Variants in GPR107 observed in about 807,000 individuals in gnomAD.
The protein encoded by GPR107 is protein GPR107.
GPR107 carries 31 observed loss-of-function variants against 75.5 expected under a neutral mutation model. The ratio of observed to expected loss-of-function variants is 0.41; its 90% CI spans 0.31 to 0.55. GPR107 has a LOEUF of 0.55. Among genes scored for constraint, GPR107 ranks in the 20% least tolerant of loss-of-function variants. The pLI, the probability that GPR107 is intolerant of heterozygous loss-of-function variation, is 0.26. For missense variants in GPR107, 572 were observed against 665.7 expected (o/e 0.86, Z 1.55); for synonymous variants, 267 against 251.3 (o/e 1.06, Z -0.59).
intron 14 of GPR107, among the ~76,000 whole-genome samples, chr9:130,116,840 C>T (rs193300338): frequency 6.6e-6 from 1 of 152,088 alleles, no homozygotes; most frequent in Non-Finnish European, 1.5e-5. Flanking sequence ...TTTTATTTAT[C>T]ATTTAAGATA....
chr9:130,066,071 C>T (rs1396489529), intron 1 of GPR107, among the ~76,000 whole-genome samples: 1 of 151,974 alleles, frequency 6.6e-6, no homozygotes, highest in Non-Finnish European at 1.5e-5. Flanking sequence ...TTTTGGGAGA[C>T]CAAGGCGGGT....
chr9:130,106,890 C>T (rs1831173669), intron 13 of GPR107, among the ~76,000 whole-genome samples: 1 of 152,110 alleles, frequency 6.6e-6, no homozygotes, highest in Admixed American at 6.5e-5. Flanking sequence ...CTGTTGGTGG[C>T]TTTTCATGGT....
intron 14 of GPR107, among the ~76,000 whole-genome samples, chr9:130,117,897 T>A (rs1430989250): frequency 2.0e-5 from 3 of 152,190 alleles, no homozygotes; most frequent in Non-Finnish European, 1.5e-5. Flanking sequence ...GTAAACTCCT[T>A]AGAAAGGATT....
At chr9:130,111,939 G>A (rs1299601281) in intron 14 of GPR107, among the ~76,000 whole-genome samples, 1 of 152,134 alleles carries the variant, frequency 6.6e-6, no homozygotes. Context: ...CCGAGAGGGA[G>A]CTTAATTGAG....
At chr9:130,065,537 G>A (rs545425457) in intron 1 of GPR107, among the ~76,000 whole-genome samples, 20 of 151,680 alleles carry the variant, frequency 1.3e-4, no homozygotes, top group African/African-American at 4.8e-4. Context: ...AGGCCGCAAC[G>A]GGCACCTCAC....
chr9:130,079,362 T>C (rs1032712392), intron 4 of GPR107, among the ~76,000 whole-genome samples: 1 of 152,264 alleles, frequency 6.6e-6, no homozygotes, highest in Non-Finnish European at 1.5e-5. Flanking sequence ...GAGAAAGATG[T>C]ACCTCAGAAT....
At position 130,104,425 on chromosome 9, in the gene GPR107, G is replaced by A; in HGVS notation, c.1137G>A (p.Leu379=). Residue 379 remains leucine (L), a synonymous_variant, in exon 13 of 18, where the codon CTG becomes CTA. Coordinates refer to ENST00000347136, the MANE Select transcript of GPR107 (RefSeq NM_020960.5). ...IFMIVIPLQV[L]ANVAYIIIES... ...GCAACTTCTCATGTCTGTAGGTCCT[G>A]GCAAATGTAGCCTACATCATCATAG... The A allele has an allele frequency of 6.2e-7, 1 of 1,613,802 alleles. No individual in the cohort carries two copies. Among genetic ancestry groups the A allele is most frequent in the Non-Finnish European group, 8.5e-7 (1 of 1,179,736 alleles).
intron 1 of GPR107, among the ~76,000 whole-genome samples, chr9:130,072,320 C>T (rs1166831712): frequency 6.6e-6 from 1 of 151,086 alleles, no homozygotes; most frequent in Admixed American, 6.6e-5. Flanking sequence ...CTGGGGTTCA[C>T]GCCATTCTCC....
chr9:130,063,283 C>T (rs1294580194), intron 1 of GPR107, among the ~76,000 whole-genome samples: 1 of 152,090 alleles, frequency 6.6e-6, no homozygotes, highest in Non-Finnish European at 1.5e-5. Flanking sequence ...CTCCACTTCC[C>T]GGGTTCATGC....
chr9:130,076,930 G>A (rs1830365051), intron 3 of GPR107, among the ~76,000 whole-genome samples: 1 of 147,656 alleles, frequency 6.8e-6, no homozygotes, highest in African/African-American at 2.5e-5. Context: ...TCTTGTTGCC[G>A]AGGCTGGAGT....
At chr9:130,092,116 A>T in intron 8 of GPR107, 132 bp from the exon 9 acceptor site, 1 of 699,602 alleles carries the variant, frequency 1.4e-6, no homozygotes, top group East Asian at 2.7e-5. Flanking sequence ...CTGAGATTAC[A>T]GGTGTGAGCC....
chr9:130,105,122 A>G (rs950152532), intron 13 of GPR107, among the ~76,000 whole-genome samples: 1 of 152,230 alleles, frequency 6.6e-6, no homozygotes, highest in African/African-American at 2.4e-5. Context: ...AGTGGTAGAA[A>G]TTCAGAAGGC....
At chr9:130,099,755 C>T (rs1389862588) in intron 10 of GPR107, among the ~76,000 whole-genome samples, 2 of 151,264 alleles carry the variant, frequency 1.3e-5, no homozygotes, top group Non-Finnish European at 2.9e-5. Context: ...TGCTTACAGA[C>T]CTACAGTTTT....
intron 14 of GPR107, among the ~76,000 whole-genome samples, chr9:130,124,270 C>T (rs1394329439): frequency 6.6e-6 from 1 of 152,162 alleles, no homozygotes; most frequent in African/African-American, 2.4e-5. Flanking sequence ...GGGAGCCAGG[C>T]TTCCCTCTAC....
At chr9:130,081,500 C>T (rs755381796) in intron 5 of GPR107, among the ~76,000 whole-genome samples, 4 of 151,654 alleles carry the variant, frequency 2.6e-5, no homozygotes, top group Non-Finnish European at 4.4e-5. Context: ...GGTGAAACCC[C>T]GTCTCTACTA....
At chr9:130,133,198 G>T (rs1467004346) in intron 17 of GPR107, 3 of 152,220 alleles carry the variant, frequency 2.0e-5, no homozygotes. Flanking sequence ...GACCTAGCAT[G>T]AGGCCTGTCT....
Position 130,128,711 on chromosome 9 carries a change from C to A in GPR107, c.1512C>A (p.Asn504Lys). Residue 504 changes from asparagine (N) to lysine (K), a missense_variant, in exon 17 of 18, where the codon AAC becomes AAA. Physicochemically the swap from Asn to Lys is moderately conservative, Grantham distance 94. Coordinates refer to ENST00000347136, the MANE Select transcript of GPR107 (RefSeq NM_020960.5). ...ATAAATTCCGTCCGGCTTCAGATAA[C>A]CCCTACCTACAACTTTCTCAGGAAG... ...TGYKFRPASD[N>K]PYLQLSQEEE... 3 of 1,611,356 alleles carry A rather than the reference C, an allele frequency of 1.9e-6. No individual in the cohort carries two copies. The highest frequency in any genetic ancestry group is 2.5e-6 in the Non-Finnish European group (3 of 1,177,452).
intron 14 of GPR107, 46 bp downstream of exon 14, chr9:130,107,585 C>G: frequency 1.6e-6 from 2 of 1,274,178 alleles, no homozygotes; most frequent in Non-Finnish European, 2.3e-6. Context: ...TTGCTCTGAA[C>G]CCACGTGCTG....
At chr9:130,126,494 C>T (rs993784300) in intron 15 of GPR107, among the ~76,000 whole-genome samples, 6 of 151,890 alleles carry the variant, frequency 4.0e-5, no homozygotes, top group Non-Finnish European at 5.9e-5. Context: ...TACAGTCATG[C>T]GCCACCATGC....
Sources: gnomAD v4.1 joint callset for allele counts (sites outside exome capture counted in the v4.1 genomes callset) on GRCh38, gnomAD v4.1.1 for gene constraint, MANE v1.5 for transcripts, NCBI Gene and HGNC (gene_info 2026-07-23, HGNC 2026-07-21) for gene names.